Variants in SORL1 observed in about 807,000 individuals in gnomAD.
The protein encoded by SORL1 is sortilin related receptor 1.
Under a neutral mutation model 273.7 loss-of-function variants are expected in SORL1, and 127 were observed. That is an observed-to-expected ratio of 0.46 (90% confidence interval 0.40 to 0.54). The LOEUF is 0.54. Ranked by LOEUF, SORL1 falls within the 20% of genes least tolerant of loss-of-function variation. The pLI is 0.00. For synonymous variants in SORL1, 1,031 were observed against 1,067.4 expected (o/e 0.97, Z 0.66); for missense variants, 2,494 against 2,846.1 (o/e 0.88, Z 2.81).
chr11:121,476,204 A>G (rs1267859538), intron 2 of SORL1, among the ~76,000 whole-genome samples: 2 of 152,176 alleles, frequency 1.3e-5, no homozygotes, highest in African/African-American at 2.4e-5. Flanking sequence ...CCGGGACACT[A>G]ATGTCCATTC....
intron 3 of SORL1, 33 bp from the exon 4 acceptor site, chr11:121,487,999 G>A (rs1324034674): frequency 6.2e-7 from 1 of 1,610,540 alleles, no homozygotes; most frequent in Non-Finnish European, 8.5e-7. Flanking sequence ...TCTGGACAGG[G>A]CCTGCTCTCA....
At chr11:121,465,402 G>A (rs533551309) in intron 1 of SORL1, among the ~76,000 whole-genome samples, 74 of 152,018 alleles carry the variant, frequency 4.9e-4, no homozygotes, top group Admixed American at 7.2e-4. Context: ...AAGCCCCCCC[G>A]CCAAAAATGG....
chr11:121,523,370 GGCT>G lies in SORL1; in HGVS notation c.1596+385_1596+387del, dbSNP rs111677163. 6.4e-3 allele frequency among the ~76,000 whole-genome samples: 970 copies of G among 152,132 alleles called. 10 individuals carry two copies. The highest frequency in any genetic ancestry group is 0.022 in the African/African-American group (920 of 41,528). On this transcript the variant is annotated intron_variant, in intron 11 of 47. Coordinates refer to ENST00000260197, the MANE Select transcript of SORL1 (RefSeq NM_003105.6). The stretch of plus-strand genomic sequence containing the variant: ...GCGTAGTGGTATTAGCCCTGAAATG[GGCT>G]GCTATTATTATTATTATTTTGTATA...
intron 1 of SORL1, among the ~76,000 whole-genome samples, chr11:121,466,687 C>G (rs1012639866): frequency 6.6e-6 from 1 of 152,144 alleles, no homozygotes; most frequent in South Asian, 2.1e-4. Flanking sequence ...CGCATCCATT[C>G]CTGATTCCTG....
Position 121,588,052 on chromosome 11 carries a change from T to C in SORL1, c.3847T>C (p.Cys1283Arg), listed in dbSNP as rs1863146433. ...PLCTHFMDFV[C>R]KNRQQCLFHS... ...CTGTACGCACTTCATGGACTTTGTGTGTAAGAACCGCCAGCAGTGCCTGTT... is the reference window on the plus strand; with the variant it reads ...CTGTACGCACTTCATGGACTTTGTGCGTAAGAACCGCCAGCAGTGCCTGTT... Residue 1283 changes from cysteine (C) to arginine (R), a missense_variant, in exon 28 of 48, where the codon TGT (cysteine) becomes CGT (arginine). Coordinates refer to ENST00000260197, the MANE Select transcript of SORL1 (RefSeq NM_003105.6). 2.5e-6 allele frequency: 4 copies of C among 1,613,562 alleles called. No homozygotes were observed. The highest frequency in any genetic ancestry group is 3.4e-6 in the Non-Finnish European group (4 of 1,179,766).
At chr11:121,581,188 C>A (rs1229066015) in intron 25 of SORL1, among the ~76,000 whole-genome samples, 1 of 152,216 alleles carries the variant, frequency 6.6e-6, no homozygotes, top group African/African-American at 2.4e-5. Flanking sequence ...GCTGGGATTA[C>A]AGGTATGAGC....
chr11:121,566,447 C>T (rs1591330105), intron 21 of SORL1, among the ~76,000 whole-genome samples: 1 of 152,246 alleles, frequency 6.6e-6, no homozygotes, highest in East Asian at 1.9e-4. Flanking sequence ...TCAAGTGATC[C>T]TCCTGCCTCA....
At chr11:121,561,340 C>T (rs555162881) in intron 21 of SORL1, among the ~76,000 whole-genome samples, 2 of 152,246 alleles carry the variant, frequency 1.3e-5, no homozygotes, top group East Asian at 1.9e-4. Flanking sequence ...AGGAGCAGTG[C>T]GGGAGGAGAG....
intron 6 of SORL1, among the ~76,000 whole-genome samples, chr11:121,509,624 A>G (rs142974322): frequency 5.8e-4 from 88 of 151,880 alleles, no homozygotes; most frequent in African/African-American, 2.1e-3. Context: ...TTACAGGCAT[A>G]CTCTACCATG....
intron 3 of SORL1, among the ~76,000 whole-genome samples, chr11:121,480,011 C>A (rs907837963): frequency 6.6e-6 from 1 of 152,154 alleles, no homozygotes; most frequent in Non-Finnish European, 1.5e-5. Context: ...GAGGGGTGGG[C>A]CCCGCTGCTT....
intron 44 of SORL1, 92 bp from the exon 45 acceptor site, chr11:121,622,070 C>T: frequency 1.3e-6 from 1 of 752,656 alleles, no homozygotes; most frequent in Non-Finnish European, 2.2e-6. Context: ...CCCTCCAAGG[C>T]TAGCATTATT....
chr11:121,587,306 A>T (rs990921129), intron 27 of SORL1, among the ~76,000 whole-genome samples: 2 of 152,216 alleles, frequency 1.3e-5, no homozygotes, highest in African/African-American at 4.8e-5. Context: ...AGCAGGCTGG[A>T]GACCCAGGGA....
In SORL1 at chr11:121,631,235, T is replaced by C. The variant is rs1370497579; in HGVS notation, c.*1672T>C. The stretch of plus-strand genomic sequence containing the variant: ...TTTTTGAAATTTTTATTTATATGTA[T>C]ACTTAGATGAGTATTTTAAGCTGTC... On this transcript the variant is annotated 3_prime_UTR_variant, in exon 48 of 48. Coordinates refer to ENST00000260197, the MANE Select transcript of SORL1 (RefSeq NM_003105.6). 6.6e-6 allele frequency: 1 copy of C among 152,246 alleles called. No individual in the cohort carries two copies. Among genetic ancestry groups the C allele is most frequent in the African/African-American group, 2.4e-5 (1 of 41,462 alleles). 9.4% of individuals were successfully genotyped at this position (152,246 alleles called of 1,614,324 possible).
chr11:121,496,847 CCT>C lies in SORL1; in HGVS notation c.759-21_759-20del, dbSNP rs1491398926. ...TAATTAAATGTGCAAATGATAACAA[CCT>C]TTTTTTTTTTTTCTGCCAGGGGAAT... On this transcript the variant is annotated intron_variant, in intron 5 of 47. Transcript: ENST00000260197. 4 of 1,549,374 alleles carry C rather than the reference CCT, an allele frequency of 2.6e-6. No homozygotes were observed. Among genetic ancestry groups the C allele is most frequent in the Non-Finnish European group, 3.5e-6 (4 of 1,140,896 alleles).
intron 1 of SORL1, among the ~76,000 whole-genome samples, chr11:121,468,326 G>A (rs1250876181): frequency 6.6e-6 from 1 of 152,136 alleles, no homozygotes; most frequent in East Asian, 1.9e-4. Context: ...TGAGGAGGCT[G>A]GTGGAATAGG....
rs1317562632 is a variant in SORL1 at position 121,550,160 on chromosome 11, G to A, written c.2180+72G>A. ...ATGGAGCGAGAGAGCATAGAGGACC[G>A]TCTGGATTGCTCTACACTCGAAATT... On this transcript the variant is annotated intron_variant, in intron 15 of 47. Coordinates refer to ENST00000260197, the MANE Select transcript of SORL1 (RefSeq NM_003105.6). The surrounding 1 kb of genome is among the most constrained non-coding windows in gnomAD (Gnocchi z 5.3). The A allele has an allele frequency of 2.0e-6, 3 of 1,474,080 alleles. No individual in the cohort carries two copies. Among genetic ancestry groups the A allele is most frequent in the African/African-American group, 2.8e-5 (2 of 70,590 alleles). The allele number at this position is 1,474,080 out of a possible 1,614,324, so 91.3% of individuals were successfully genotyped here.
intron 12 of SORL1, among the ~76,000 whole-genome samples, chr11:121,540,990 C>G (rs1359801575): frequency 6.6e-6 from 1 of 152,222 alleles, no homozygotes; most frequent in Non-Finnish European, 1.5e-5. Flanking sequence ...AAACCTTTAG[C>G]TTCACACTGG....
At chr11:121,479,454 C>G (rs1388586074) in intron 3 of SORL1, among the ~76,000 whole-genome samples, 10 of 152,188 alleles carry the variant, frequency 6.6e-5, no homozygotes, top group Admixed American at 2.6e-4. Flanking sequence ...GGTCCTCTTT[C>G]CAGTCCCTAG....
At chr11:121,534,386 C>G (rs1218570462) in intron 12 of SORL1, among the ~76,000 whole-genome samples, 2 of 152,128 alleles carry the variant, frequency 1.3e-5, no homozygotes, top group South Asian at 2.1e-4. Context: ...AAAACATGAT[C>G]AGGAAAATAA....
Sources: gnomAD v4.1 joint callset for allele counts (sites outside exome capture counted in the v4.1 genomes callset) on GRCh38, gnomAD v4.1.1 for gene constraint, Gnocchi (gnomAD v3.1) non-coding constraint, MANE v1.5 for transcripts, NCBI Gene and HGNC (gene_info 2026-07-23, HGNC 2026-07-21) for gene names.